The following RYR3 variants were observed in gnomAD, a reference collection of about 807,000 sequenced individuals.
RYR3 encodes brain ryanodine receptor-calcium release channel.
RYR3 carries 207 observed loss-of-function variants against 584.3 expected under a neutral mutation model. The ratio of observed to expected loss-of-function variants is 0.35; its 90% CI spans 0.32 to 0.40. The LOEUF (loss-of-function observed/expected upper bound fraction) is 0.40. RYR3 is among the 10% of genes least tolerant of loss of function. The pLI is 1.00. For missense variants in RYR3, 5,616 were observed against 6,089.2 expected (o/e 0.92, Z 2.59); for synonymous variants, 2,416 against 2,248.5 (o/e 1.07, Z -2.11).
chr15:33,458,736 T>C (rs982725985), intron 1 of RYR3, among the ~76,000 whole-genome samples: 8 of 152,156 alleles, frequency 5.3e-5, no homozygotes, highest in Non-Finnish European at 1.2e-4. Context: ...TATGAGGCAG[T>C]ATTATAAAGG....
intron 32 of RYR3, among the ~76,000 whole-genome samples, chr15:33,657,726 GT>G (rs919525977): frequency 3.3e-4 from 50 of 152,254 alleles, no homozygotes; most frequent in African/African-American, 1.1e-3. Flanking sequence ...CAACATTTTG[GT>G]TTTACTGGCA....
Position 33,842,042 on chromosome 15 carries a change from A to C in RYR3, c.13209+7A>C. 3.8e-6 allele frequency: 6 copies of C among 1,594,624 alleles called. No individual in the cohort carries two copies. Among genetic ancestry groups the C allele is most frequent in the Non-Finnish European group, 5.1e-6 (6 of 1,170,294 alleles). On this transcript the variant is annotated splice_region_variant and intron_variant, in intron 91 of 103. Coordinates refer to ENST00000634891, the MANE Select transcript of RYR3 (RefSeq NM_001036.6). ...CTATCAGACCAAGTTACTGGTAAGC[A>C]TTCCAACCTTGGCCCTGTTCATGGT...
intron 88 of RYR3, among the ~76,000 whole-genome samples, chr15:33,837,223 C>A (rs180780135): frequency 8.5e-5 from 13 of 152,274 alleles, no homozygotes; most frequent in Non-Finnish European, 1.6e-4. Context: ...GGAAAACCTC[C>A]AAGCTTTGCT....
rs186494604 is a variant in RYR3, at chr15:33,554,804, T to C, written c.972+4488T>C. ...AAGGATTTCAGATAATGTGATTTAATATTTACTCCTGCACGGCAGTATTGT... is the reference window on the plus strand; with the variant it reads ...AAGGATTTCAGATAATGTGATTTAACATTTACTCCTGCACGGCAGTATTGT... On this transcript the variant is annotated intron_variant, in intron 10 of 103. Transcript: ENST00000634891. 9.7e-4 allele frequency among the ~76,000 whole-genome samples: 148 copies of C among 152,350 alleles called. 3 individuals are homozygous for C. The highest frequency in any genetic ancestry group is 2.7e-3 in the African/African-American group (111 of 41,586).
At chr15:33,475,039 G>T (rs928429624) in intron 2 of RYR3, among the ~76,000 whole-genome samples, 8 of 152,018 alleles carry the variant, frequency 5.3e-5, no homozygotes, top group Admixed American at 3.9e-4. Flanking sequence ...TCTTAGCTAG[G>T]TTTTTTTGTT....
chr15:33,637,291 T>A (rs576264482), intron 27 of RYR3, among the ~76,000 whole-genome samples: 1 of 152,370 alleles, frequency 6.6e-6, no homozygotes, highest in South Asian at 2.1e-4. Flanking sequence ...CTCTGAGCTT[T>A]ACTTTCTTCA....
intron 2 of RYR3, among the ~76,000 whole-genome samples, chr15:33,483,205 C>A (rs533250537): frequency 6.6e-6 from 1 of 152,058 alleles, no homozygotes; most frequent in South Asian, 2.1e-4. Context: ...TCTCTTCTCC[C>A]ATTATTCCCA....
intron 3 of RYR3, among the ~76,000 whole-genome samples, chr15:33,521,198 C>A (rs1044291136): frequency 6.6e-6 from 1 of 152,036 alleles, no homozygotes; most frequent in Non-Finnish European, 1.5e-5. Flanking sequence ...GCAGATTATA[C>A]CTATTCCATG....
Position 33,838,451 on chromosome 15 carries a change from G to A in RYR3, c.12471G>A (p.Leu4157=). ...TGAAGAGGAATGTCACCGACTTCCTGAAGAGAGCAACCCTGAAGAACCTCA... is the reference window on the plus strand; with the variant it reads ...TGAAGAGGAATGTCACCGACTTCCTAAAGAGAGCAACCCTGAAGAACCTCA... ...ASVKRNVTDF[L]KRATLKNLRK... is the part of the protein sequence containing the mutation. The change falls in exon 89 of 104, where the codon CTG becomes CTA. Residue 4157 remains leucine (L), a synonymous_variant. Coordinates refer to ENST00000634891, the MANE Select transcript of RYR3 (RefSeq NM_001036.6). 6.2e-7 allele frequency: 1 copy of A among 1,614,042 alleles called. No homozygotes were observed. The highest frequency in any genetic ancestry group is 8.5e-7 in the Non-Finnish European group (1 of 1,179,900).
intron 13 of RYR3, 34 bp downstream of exon 13, chr15:33,580,178 A>G: frequency 6.6e-7 from 1 of 1,512,800 alleles, no homozygotes; most frequent in Non-Finnish European, 9.0e-7. Context: ...AAATTCACTT[A>G]GTGTCCAGAG....
Position 33,838,572 on chromosome 15 carries a change from T to C in RYR3, c.12592T>C (p.Leu4198=). ...GATGCTGTTCGTGGGGCTATTCCAG[T>C]TGCTCTTCACCATCCTGGGAGGAAT... is the stretch of plus-strand genomic sequence containing the variant. ...FWMLFVGLFQ[L]LFTILGGIFQ... The change falls in exon 89 of 104, where the codon TTG becomes CTG. Residue 4198 remains leucine (L), a synonymous_variant. Transcript: ENST00000634891. 6.2e-7 allele frequency: 1 copy of C among 1,613,864 alleles called. No individual in the cohort carries two copies. Among genetic ancestry groups the C allele is most frequent in the African/African-American group, 1.3e-5 (1 of 75,018 alleles).
intron 46 of RYR3, 144 bp downstream of exon 46, chr15:33,726,650 G>A (rs1038634495): frequency 7.0e-6 from 6 of 856,600 alleles, no homozygotes; most frequent in Non-Finnish European, 1.0e-5. Context: ...TTTTTCCTGT[G>A]ATGAGTTTTC....
intron 49 of RYR3, 126 bp downstream of exon 49, chr15:33,736,451 G>C: frequency 1.6e-6 from 1 of 608,972 alleles, no homozygotes; most frequent in East Asian, 3.0e-5. Flanking sequence ...TTAAGTTGAT[G>C]GTTAGCTAAC....
intron 1 of RYR3, among the ~76,000 whole-genome samples, chr15:33,365,386 C>T (rs1975349960): frequency 1.1e-4 from 17 of 152,164 alleles, no homozygotes; most frequent in Admixed American, 1.1e-3. Context: ...AAGAAAGGTG[C>T]TCAGCACTGC....
chr15:33,656,504 C>A (rs944875818), intron 32 of RYR3, among the ~76,000 whole-genome samples: 7 of 151,930 alleles, frequency 4.6e-5, no homozygotes, highest in Admixed American at 4.6e-4. Context: ...TTATTGTTGC[C>A]TGACAAGTTA....
intron 1 of RYR3, among the ~76,000 whole-genome samples, chr15:33,429,220 G>A (rs1188179050): frequency 1.3e-5 from 2 of 152,158 alleles, no homozygotes; most frequent in Non-Finnish European, 2.9e-5. Flanking sequence ...GTCCCCAGAG[G>A]ACTTAGGATT....
In RYR3 at chr15:33,734,697, T is replaced by C. The variant is rs1416565958; in HGVS notation, c.7425-1538T>C. Among the ~76,000 whole-genome samples the C allele has an allele frequency of 2.7e-5, 4 of 145,996 alleles. No homozygotes were observed. In the East Asian group the frequency reaches 5.9e-4, roughly 22 times the overall value. On this transcript the variant is annotated intron_variant, in intron 48 of 103. Transcript: ENST00000634891. ...AATTCGATTTTTTTTTCTTTTTTTTTTTTTTTTTTTGAGACAGAGTCTCGC... is the reference window on the plus strand; with the variant it reads ...AATTCGATTTTTTTTTCTTTTTTTTCTTTTTTTTTTGAGACAGAGTCTCGC...
At chr15:33,336,054 G>T (rs1220727532) in intron 1 of RYR3, among the ~76,000 whole-genome samples, 1 of 151,856 alleles carries the variant, frequency 6.6e-6, no homozygotes, top group East Asian at 1.9e-4. Context: ...TTTTAGCCTG[G>T]GTCCTCCAAA....
intron 3 of RYR3, among the ~76,000 whole-genome samples, chr15:33,527,586 CAAAA>C (rs34864486): frequency 7.8e-6 from 1 of 127,560 alleles, no homozygotes; most frequent in African/African-American, 3.1e-5. Context: ...AACTCTGTCT[CAAAA>C]AAAAAAAAAA....
Sources: allele counts gnomAD v4.1 joint callset (sites outside exome capture counted in the v4.1 genomes callset), GRCh38; gene constraint gnomAD v4.1.1; transcripts MANE v1.5; gene names NCBI Gene and HGNC (gene_info 2026-07-23, HGNC 2026-07-21).